The following DBNL variants were observed in gnomAD, a reference collection of about 807,000 sequenced individuals.
The protein encoded by DBNL is drebrin like, also known as drebrin-like protein.
In DBNL, 35 loss-of-function variants were observed where a neutral mutation model predicts 62.2. The ratio of observed to expected loss-of-function variants is 0.56; its 90% CI spans 0.43 to 0.75. The LOEUF is 0.75. DBNL is among the 30% of genes least tolerant of loss of function. The pLI, the probability that DBNL is intolerant of heterozygous loss-of-function variation, is 0.00. For missense variants in DBNL, 495 were observed against 578.4 expected (o/e 0.86, Z 1.48); for synonymous variants, 197 against 218.0 (o/e 0.90, Z 0.85).
In DBNL at chr7:44,048,827, C is replaced by A. The variant is rs191533611; in HGVS notation, c.84-1398C>A. Among the ~76,000 whole-genome samples, 4 of 152,280 alleles carry A rather than the reference C, an allele frequency of 2.6e-5. No individual in the cohort carries two copies. The South Asian group carries it at 6.2e-4, about 24-fold the overall frequency. On this transcript the variant is annotated intron_variant, in intron 1 of 12. Coordinates refer to ENST00000448521, the MANE Select transcript of DBNL (RefSeq NM_001014436.3). Reference sequence around the variant, plus strand: ...CTGCAAGGTTCATGCTATTAGCAAGCCAGAATGAATCTTTACCAGAGTTTT... The same window carrying A: ...CTGCAAGGTTCATGCTATTAGCAAGACAGAATGAATCTTTACCAGAGTTTT...
Position 44,062,451 on chromosome 7 carries a change from C to T in DBNL, c.*1535C>T. 2 of 402,544 alleles carry T rather than the reference C, an allele frequency of 5.0e-6. No homozygotes were observed. The highest frequency in any genetic ancestry group is 4.4e-5 in the South Asian group (2 of 45,104). 24.9% of individuals were successfully genotyped at this position (402,544 alleles called of 1,614,324 possible). The stretch of plus-strand genomic sequence containing the variant: ...CATGGGGAGAGCTGGGTCACTTGGC[C>T]TCTTCTAACTGGCCCCAAGCACGCC... On this transcript the variant is annotated 3_prime_UTR_variant, in exon 13 of 13. Transcript: ENST00000448521.
chr7:44,062,807 C>T lies in DBNL; in HGVS notation c.*1891C>T, dbSNP rs369482159. 8.7e-5 allele frequency: 141 copies of T among 1,614,116 alleles called. No homozygotes were observed. Among genetic ancestry groups the T allele is most frequent in the Non-Finnish European group, 1.1e-4 (125 of 1,180,052 alleles). On this transcript the variant is annotated 3_prime_UTR_variant, in exon 13 of 13. Transcript: ENST00000448521. Reference sequence around the variant, plus strand: ...GGCAGCCACAGCCTCCATGGCCTTCCGCACCGTTTCCTCATCACCCAGGAA... The same window carrying T: ...GGCAGCCACAGCCTCCATGGCCTTCTGCACCGTTTCCTCATCACCCAGGAA...
chr7:44,048,399 C>G (rs948185242), intron 1 of DBNL, among the ~76,000 whole-genome samples: 3 of 152,220 alleles, frequency 2.0e-5, no homozygotes, highest in African/African-American at 7.2e-5. Context: ...TCTTGTTTTT[C>G]TGTGTTCTTT....
At chr7:44,056,659 T>G in intron 4 of DBNL, 98 bp from the exon 5 acceptor site, 3 of 1,477,210 alleles carry the variant, frequency 2.0e-6, no homozygotes, top group Non-Finnish European at 2.7e-6. Flanking sequence ...TCCAGTCCTG[T>G]GTGGTATAGT....
intron 4 of DBNL, among the ~76,000 whole-genome samples, chr7:44,054,834 C>G (rs1360548831): frequency 6.6e-6 from 1 of 152,152 alleles, no homozygotes; most frequent in Non-Finnish European, 1.5e-5. Flanking sequence ...CTACTCTCTC[C>G]CTCCATGATA....
At position 44,060,028 on chromosome 7, in the gene DBNL, C is replaced by T. The variant is rs1025243334; in HGVS notation, c.1048-20C>T. 7 of 1,608,938 alleles carry T rather than the reference C, an allele frequency of 4.4e-6. No homozygotes were observed. In the African/African-American group the frequency reaches 6.7e-5, roughly 15 times the overall value. ...TGTAAGGGCTGAGTCTGGGGTAACA[C>T]CTTTGTCATCCCTGGGCAGGTGCAG... On this transcript the variant is annotated intron_variant, in intron 11 of 12. Coordinates refer to ENST00000448521, the MANE Select transcript of DBNL (RefSeq NM_001014436.3). This position sits in a 1 kb window ranked among gnomAD's most constrained non-coding sequence, Gnocchi z 6.3.
At position 44,061,211 on chromosome 7, in the gene DBNL, C is replaced by G; in HGVS notation, c.*295C>G. 2.4e-6 allele frequency: 1 copy of G among 418,136 alleles called. No homozygotes were observed. The highest frequency in any genetic ancestry group is 4.4e-6 in the Non-Finnish European group (1 of 229,878). The allele number at this position is 418,136 out of a possible 1,614,324, so 25.9% of individuals were successfully genotyped here. A position where few individuals can be genotyped will look rare whatever the true frequency, so the allele number is the denominator to read the frequency against. Reference sequence around the variant, plus strand: ...GTGGCCAAGCCCTGAGTGGCCACTGCCAAGCTGCGGGGAAGGGTCCTGAGC... The same window carrying G: ...GTGGCCAAGCCCTGAGTGGCCACTGGCAAGCTGCGGGGAAGGGTCCTGAGC... On this transcript the variant is annotated 3_prime_UTR_variant, in exon 13 of 13. Transcript: ENST00000448521.
At chr7:44,049,818 C>A in intron 1 of DBNL, 1 of 161,518 alleles carries the variant, frequency 6.2e-6, no homozygotes, top group Admixed American at 6.3e-5. Context: ...TTTGGGTGCT[C>A]TGGGTTCAGG....
intron 1 of DBNL, among the ~76,000 whole-genome samples, chr7:44,047,199 C>A (rs1436352528): frequency 1.3e-5 from 2 of 152,150 alleles, no homozygotes; most frequent in Non-Finnish European, 2.9e-5. Context: ...TCACCTTTAT[C>A]TCTTACTAGA....
chr7:44,059,298 G>A lies in DBNL; in HGVS notation c.836-56G>A, dbSNP rs919404352. The A allele has an allele frequency of 1.5e-5, 23 of 1,562,670 alleles. No homozygotes were observed. The highest frequency in any genetic ancestry group is 1.8e-5 in the Non-Finnish European group (20 of 1,139,848). On this transcript the variant is annotated intron_variant, in intron 9 of 12. Transcript: ENST00000448521. The surrounding 1 kb of genome is among the most constrained non-coding windows in gnomAD (Gnocchi z 4.1). ...ACCAGGGTGGAGGGTGCTGTGGGGT[G>A]CGTGGGTGTGTGGTGGTGTTTCTGA...
chr7:44,047,375 A>G (rs1236249373), intron 1 of DBNL, among the ~76,000 whole-genome samples: 1 of 152,220 alleles, frequency 6.6e-6, no homozygotes, highest in African/African-American at 2.4e-5. Flanking sequence ...GGTTTCACAC[A>G]CACAGTGCTG....
Position 44,050,296 on chromosome 7 carries a change from A to C in DBNL, c.139+16A>C, listed in dbSNP as rs1488185632. On this transcript the variant is annotated intron_variant, in intron 2 of 12. Transcript: ENST00000448521. ...GGCACAGGGGGTGAGTATGACTCCAAATGGACTCAGGGACACCAGGAGGTA... is the reference window on the plus strand; with the variant it reads ...GGCACAGGGGGTGAGTATGACTCCACATGGACTCAGGGACACCAGGAGGTA... The C allele has an allele frequency of 1.2e-6, 2 of 1,613,274 alleles. No individual in the cohort carries two copies. Among genetic ancestry groups the C allele is most frequent in the African/African-American group, 1.3e-5 (1 of 74,904 alleles).
chr7:44,050,113 T>C lies in DBNL; in HGVS notation c.84-112T>C, dbSNP rs1245771278. 5 of 1,232,120 alleles carry C rather than the reference T, an allele frequency of 4.1e-6. No individual in the cohort carries two copies. In the African/African-American group the frequency reaches 7.5e-5, roughly 18 times the overall value. The allele number at this position is 1,232,120 out of a possible 1,614,324, so 76.3% of individuals were successfully genotyped here. A position where few individuals can be genotyped will look rare whatever the true frequency, so the allele number is the denominator to read the frequency against. On this transcript the variant is annotated intron_variant, in intron 1 of 12. Transcript: ENST00000448521. ...AGAACGGGCCTGTGCCCACCCACAG[T>C]GTTACTGTCAGCCCAAGCTCTTTGG...
Position 44,065,858 on chromosome 7 carries a change from AG to A in DBNL, c.*4946del. The A allele has an allele frequency of 2.1e-6, 1 of 466,670 alleles. No individual in the cohort carries two copies. The highest frequency in any genetic ancestry group is 2.1e-5 in the South Asian group (1 of 47,776). 28.9% of individuals were successfully genotyped at this position (466,670 alleles called of 1,614,324 possible). A position where few individuals can be genotyped will look rare whatever the true frequency, so the allele number is the denominator to read the frequency against. On this transcript the variant is annotated 3_prime_UTR_variant, in exon 13 of 13. Coordinates refer to ENST00000448521, the MANE Select transcript of DBNL (RefSeq NM_001014436.3). Reference sequence around the variant, plus strand: ...GGCGTGAAGGGCAGAAGTCTGGGCCAGGGGAGATGGGGATAGCAGGGACAGA... The same window carrying A: ...GGCGTGAAGGGCAGAAGTCTGGGCCAGGGAGATGGGGATAGCAGGGACAGA...
In DBNL at chr7:44,060,801, AC is replaced by A; in HGVS notation, c.1182del (p.Glu395ArgfsTer9). 6.2e-7 allele frequency: 1 copy of A among 1,613,618 alleles called. No homozygotes were observed. The highest frequency in any genetic ancestry group is 8.5e-7 in the Non-Finnish European group (1 of 1,179,884). Reference sequence around the variant, plus strand: ...GCCGACGACACAGAGATCTCCTTTGACCCCGAGAACCTCATCACGGGCATCG... The same window carrying A: ...GCCGACGACACAGAGATCTCCTTTGACCCGAGAACCTCATCACGGGCATCG... ...QAADDTEISF[D>X]PENLITGIEV... On this transcript the variant is annotated frameshift_variant, in exon 13 of 13. Transcript: ENST00000448521. LOFTEE classifies it high-confidence loss of function. This position sits in a 1 kb window ranked among gnomAD's most constrained non-coding sequence, Gnocchi z 6.3.
In DBNL at chr7:44,059,595, A is replaced by G. The variant is rs1230279376; in HGVS notation, c.984A>G (p.Ala328=). ...APSTPPCLVQ[A]EEEAVYEEPP... is the part of the protein sequence containing the mutation. The stretch of plus-strand genomic sequence containing the variant: ...GCACTCCTCCATGTCTGGTGCAGGC[A>G]GAAGAGGAGGCTGTGTATGAGGAAC... Residue 328 remains alanine (A), a synonymous_variant, in exon 11 of 13, where the codon GCA becomes GCG. Transcript: ENST00000448521. This position sits in a 1 kb window ranked among gnomAD's most constrained non-coding sequence, Gnocchi z 4.1. 2.5e-6 allele frequency: 4 copies of G among 1,611,792 alleles called. No homozygotes were observed. The African/African-American group carries it at 5.3e-5, about 22-fold the overall frequency.
Position 44,062,661 on chromosome 7 carries a change from G to C in DBNL, c.*1745G>C. On this transcript the variant is annotated 3_prime_UTR_variant, in exon 13 of 13. Transcript: ENST00000448521. Reference sequence around the variant, plus strand: ...GGGAGGGTGGGTGGCTGCACCCCTGGTTCTGGAGTCCCCACAGCTGATGGC... The same window carrying C: ...GGGAGGGTGGGTGGCTGCACCCCTGCTTCTGGAGTCCCCACAGCTGATGGC... 1 of 1,310,806 alleles carries C rather than the reference G, an allele frequency of 7.6e-7. No homozygotes were observed. The highest frequency in any genetic ancestry group is 1.1e-6 in the Non-Finnish European group (1 of 926,814). The allele number at this position is 1,310,806 out of a possible 1,614,324, so 81.2% of individuals were successfully genotyped here.
At chr7:44,054,677 C>T (rs2096132857) in intron 4 of DBNL, among the ~76,000 whole-genome samples, 1 of 152,148 alleles carries the variant, frequency 6.6e-6, no homozygotes, top group African/African-American at 2.4e-5. Context: ...TTGAAATACA[C>T]AAAATTATTG....
chr7:44,057,369 G>A (rs1490692622), intron 5 of DBNL, among the ~76,000 whole-genome samples: 1 of 152,114 alleles, frequency 6.6e-6, no homozygotes, highest in Non-Finnish European at 1.5e-5. Flanking sequence ...AGCTGCGTCC[G>A]CATGCGTGTG....
Sources: gnomAD v4.1 joint callset for allele counts (sites outside exome capture counted in the v4.1 genomes callset) on GRCh38, gnomAD v4.1.1 for gene constraint, Gnocchi (gnomAD v3.1) non-coding constraint, MANE v1.5 for transcripts, NCBI Gene and HGNC (gene_info 2026-07-23, HGNC 2026-07-21) for gene names.